The following WNT9B variants were observed in gnomAD, a reference collection of about 807,000 sequenced individuals.
WNT9B encodes the protein Wnt family member 9B.
WNT9B carries 12 observed loss-of-function variants against 30.2 expected under a neutral mutation model. The ratio of observed to expected loss-of-function variants is 0.40; its 90% CI spans 0.26 to 0.64. WNT9B has a LOEUF of 0.64. WNT9B is among the 30% of genes least tolerant of loss of function. The pLI is 0.42. For missense variants in WNT9B, 442 were observed against 485.2 expected, an observed-to-expected ratio of 0.91 and a Z score of 0.84; for synonymous variants, 218 against 216.9, an observed-to-expected ratio of 1.01 and a Z score of -0.05.
chr17:46,854,413 ATCT>A (rs201193159), intron 1 of WNT9B, among the ~76,000 whole-genome samples: 1,921 of 152,278 alleles, frequency 0.013, 42 homozygotes, highest in African/African-American at 0.043. Context: ...GGTGAGGCCG[ATCT>A]TCTTGGGCTC....
chr17:46,872,870 C>T (rs2085274544), intron 2 of WNT9B, 97 bp downstream of exon 2: 5 of 1,403,194 alleles, frequency 3.6e-6, no homozygotes, highest in Admixed American at 4.9e-5. Context: ...TCCTGGCTCC[C>T]GTGCCCAGGC....
intron 2 of WNT9B, among the ~76,000 whole-genome samples, chr17:46,873,385 C>T (rs2085288512): frequency 1.3e-5 from 2 of 151,994 alleles, no homozygotes; most frequent in African/African-American, 2.4e-5. Context: ...CTGAACCAGA[C>T]CCAGCTACCC....
chr17:46,863,123 G>GT (rs1555696088), intron 1 of WNT9B, among the ~76,000 whole-genome samples: 1 of 152,112 alleles, frequency 6.6e-6, no homozygotes, highest in Non-Finnish European at 1.5e-5. Context: ...GGAGGGCGTG[G>GT]CACAGGCAGC....
chr17:46,857,912 T>G (rs12150132), intron 1 of WNT9B, among the ~76,000 whole-genome samples: 27,827 of 145,836 alleles, frequency 0.19, 3,187 homozygotes, highest in East Asian at 0.42. Context: ...TAAGAGTTCT[T>G]TATGTATTTT....
At chr17:46,881,646 G>T (rs1014010354), downstream of WNT9B, among the ~76,000 whole-genome samples, 1 of 152,034 alleles carries the variant, frequency 6.6e-6, no homozygotes, top group Non-Finnish European at 1.5e-5. Context: ...AAACAGGCCC[G>T]CAGACCCCTC....
At chr17:46,860,557 A>G (rs971487902) in intron 1 of WNT9B, among the ~76,000 whole-genome samples, 3 of 152,262 alleles carry the variant, frequency 2.0e-5, no homozygotes, top group Non-Finnish European at 4.4e-5. Context: ...AAAATGGGAT[A>G]ATCTTGATCT....
downstream of WNT9B, among the ~76,000 whole-genome samples, chr17:46,883,464 T>C (rs1414299603): frequency 7.2e-5 from 11 of 152,002 alleles, no homozygotes; most frequent in African/African-American, 2.4e-4. Flanking sequence ...TTTGTATTTT[T>C]AGTAGAGACG....
intron 1 of WNT9B, among the ~76,000 whole-genome samples, chr17:46,870,904 C>CTTTTTTTTTT (rs144277402): frequency 3.8e-5 from 3 of 78,394 alleles, no homozygotes; most frequent in African/African-American, 5.0e-5. Context: ...TCCACCTTTG[C>CTTTTTTTTTT]TTTTTTTTTT....
At chr17:46,852,366 C>T (rs908402887) in intron 1 of WNT9B, among the ~76,000 whole-genome samples, 11 of 148,734 alleles carry the variant, frequency 7.4e-5, no homozygotes, top group Non-Finnish European at 1.6e-4. Flanking sequence ...CTCAGGAGAA[C>T]ACTGGAAAGA....
chr17:46,883,708 G>A (rs1051756943), downstream of WNT9B, among the ~76,000 whole-genome samples: 3 of 152,162 alleles, frequency 2.0e-5, no homozygotes, highest in South Asian at 2.1e-4. Flanking sequence ...TGCTGGGCAC[G>A]GCCTGGGGAC....
intron 1 of WNT9B, among the ~76,000 whole-genome samples, chr17:46,840,041 T>C (rs1180585345): frequency 2.0e-5 from 3 of 148,950 alleles, no homozygotes; most frequent in African/African-American, 7.5e-5. Context: ...CTTTTCTTTC[T>C]TTCTTTCTCT....
chr17:46,880,945 AG>A (rs1346081836), downstream of WNT9B, among the ~76,000 whole-genome samples: 4 of 152,204 alleles, frequency 2.6e-5, no homozygotes, highest in Non-Finnish European at 5.9e-5. Context: ...GAAGCCAACC[AG>A]GGGCCTTCAG....
At chr17:46,869,237 A>T (rs927193363) in intron 1 of WNT9B, among the ~76,000 whole-genome samples, 4 of 152,060 alleles carry the variant, frequency 2.6e-5, no homozygotes, top group Non-Finnish European at 5.9e-5. Context: ...TTGATACTGG[A>T]CTCTCTGAGC....
At chr17:46,860,422 C>T (rs2085017117) in intron 1 of WNT9B, among the ~76,000 whole-genome samples, 1 of 152,066 alleles carries the variant, frequency 6.6e-6, no homozygotes, top group African/African-American at 2.4e-5. Context: ...GCCCAAGGCC[C>T]TGTTATAGTG....
chr17:46,880,312 C>T lies in WNT9B; in HGVS notation c.*3594C>T, dbSNP rs1441765497. The stretch of plus-strand genomic sequence containing the variant: ...TGCTTTTGAACCTTTCCTTTCTCAA[C>T]AACCATGAACTTCAAATGCTTTCTG... On this transcript the variant is annotated 3_prime_UTR_variant, in exon 4 of 4. Coordinates refer to ENST00000290015, the MANE Select transcript of WNT9B (RefSeq NM_003396.3). Among the ~76,000 whole-genome samples, 3 of 152,346 alleles carry T rather than the reference C, an allele frequency of 2.0e-5. No homozygotes were observed. The East Asian group carries it at 5.8e-4, about 29-fold the overall frequency.
chr17:46,846,909 G>A (rs2084782226), upstream of WNT9B, among the ~76,000 whole-genome samples: 1 of 152,162 alleles, frequency 6.6e-6, no homozygotes, highest in Non-Finnish European at 1.5e-5. Flanking sequence ...CCCGCAGAAG[G>A]ACAGATGAGT....
At chr17:46,839,662 C>T (rs1020852559) in intron 1 of WNT9B, among the ~76,000 whole-genome samples, 2 of 152,166 alleles carry the variant, frequency 1.3e-5, no homozygotes, top group African/African-American at 4.8e-5. Context: ...AGGCATTTCT[C>T]CCAATGCTCT....
intron 1 of WNT9B, among the ~76,000 whole-genome samples, chr17:46,840,442 C>T (rs1345982181): frequency 6.6e-6 from 1 of 152,200 alleles, no homozygotes; most frequent in Non-Finnish European, 1.5e-5. Flanking sequence ...CAAGTCTTTG[C>T]TATTGTGAAT....
chr17:46,836,090 G>A (rs998611653), intron 1 of WNT9B, among the ~76,000 whole-genome samples: 8 of 147,600 alleles, frequency 5.4e-5, no homozygotes, highest in South Asian at 2.2e-4. Flanking sequence ...CTGGAGAGAC[G>A]CTGACGTGTG....
Sources: allele counts gnomAD v4.1 joint callset (sites outside exome capture counted in the v4.1 genomes callset), GRCh38; gene constraint gnomAD v4.1.1; transcripts MANE v1.5; gene names NCBI Gene and HGNC (gene_info 2026-07-23, HGNC 2026-07-21).